ABCC8: variants seen among roughly 807,000 people sequenced by gnomAD.
ABCC8 encodes ATP-binding cassette sub-family C member 8.
Under a neutral mutation model 188.0 loss-of-function variants are expected in ABCC8, and 137 were observed. That is an observed-to-expected ratio of 0.73 (90% CI 0.63 to 0.84). ABCC8 has a LOEUF of 0.84. Among genes scored for constraint, ABCC8 ranks in the 40% least tolerant of loss-of-function variants. The pLI is 0.00. For synonymous variants in ABCC8, 797 were observed against 846.5 expected (o/e 0.94, Z 1.01); for missense variants, 1,750 against 2,072.7 (o/e 0.84, Z 3.02).
intron 7 of ABCC8, among the ~76,000 whole-genome samples, chr11:17,452,541 A>G (rs982067973): frequency 6.6e-6 from 1 of 152,190 alleles, no homozygotes; most frequent in African/African-American, 2.4e-5. Context: ...TCGCACTCCT[A>G]TGAGAGTCTA....
intron 20 of ABCC8, 42 bp downstream of exon 20, chr11:17,413,352 G>T: frequency 6.2e-7 from 1 of 1,613,396 alleles, no homozygotes; most frequent in Non-Finnish European, 8.5e-7. Flanking sequence ...GGTAGGTTGG[G>T]GGTCCTGGCT....
intron 10 of ABCC8, among the ~76,000 whole-genome samples, chr11:17,439,687 C>A (rs1392628616): frequency 2.0e-5 from 3 of 152,190 alleles, no homozygotes; most frequent in African/African-American, 7.2e-5. Flanking sequence ...ACTTTCAAAG[C>A]TCTCCCCAGG....
intron 3 of ABCC8, among the ~76,000 whole-genome samples, chr11:17,469,079 C>CTTCCT (rs1564989355): frequency 2.2e-5 from 3 of 134,306 alleles, no homozygotes; most frequent in African/African-American, 8.7e-5. Context: ...CCTTCCCTCC[C>CTTCCT]TCCCTCCTTC....
chr11:17,396,790 G>A, intron 33 of ABCC8, 126 bp downstream of exon 33: 1 of 1,238,336 alleles, frequency 8.1e-7, no homozygotes, highest in Non-Finnish European at 1.1e-6. Flanking sequence ...AGACTGCGAT[G>A]TCTGAATAGT....
intron 21 of ABCC8, among the ~76,000 whole-genome samples, chr11:17,412,270 C>T (rs528645864): frequency 3.3e-5 from 5 of 152,300 alleles, no homozygotes; most frequent in African/African-American, 1.2e-4. Context: ...AGTTAAGTTC[C>T]ATGGGAAATA....
At chr11:17,401,094 A>G (rs1294572000) in intron 29 of ABCC8, among the ~76,000 whole-genome samples, 1 of 152,212 alleles carries the variant, frequency 6.6e-6, no homozygotes, top group East Asian at 1.9e-4. Context: ...TGGGATCTGC[A>G]CACAAGGGGC....
chr11:17,423,155 G>A (rs1475209470), intron 16 of ABCC8, among the ~76,000 whole-genome samples: 1 of 151,700 alleles, frequency 6.6e-6, no homozygotes, highest in Non-Finnish European at 1.5e-5. Flanking sequence ...TCAGGAGTTC[G>A]AGATTACCCT....
chr11:17,423,245 T>C (rs1955430274), intron 16 of ABCC8, among the ~76,000 whole-genome samples: 1 of 147,370 alleles, frequency 6.8e-6, no homozygotes, highest in South Asian at 2.1e-4. Context: ...TAGTCCCAGC[T>C]ACTTGGGAGG....
intron 3 of ABCC8, among the ~76,000 whole-genome samples, chr11:17,468,625 C>T (rs2133705242): frequency 6.6e-6 from 1 of 152,304 alleles, no homozygotes; most frequent in African/African-American, 2.4e-5. Flanking sequence ...ATGGTACCTA[C>T]CTCATAGAGT....
chr11:17,450,714 A>ATTTTTTTTTTTTTTTGTTTTT, intron 7 of ABCC8, among the ~76,000 whole-genome samples: 1 of 63,296 alleles, frequency 1.6e-5, no homozygotes, highest in Non-Finnish European at 3.4e-5. Context: ...TTTGAGATGA[A>ATTTTTTTTTTTTTTTGTTTTT]GTCTCACTCT....
At chr11:17,451,029 G>A (rs563218192) in intron 7 of ABCC8, among the ~76,000 whole-genome samples, 8 of 152,176 alleles carry the variant, frequency 5.3e-5, no homozygotes, top group African/African-American at 1.4e-4. Flanking sequence ...TTTGCTTTTT[G>A]TGGCATAGTA....
intron 7 of ABCC8, among the ~76,000 whole-genome samples, chr11:17,449,022 G>A (rs545063963): frequency 9.1e-4 from 138 of 152,262 alleles, no homozygotes; most frequent in African/African-American, 3.2e-3. Flanking sequence ...CACCTTCCGG[G>A]TTCAAGCAAT....
intron 9 of ABCC8, 104 bp downstream of exon 9, chr11:17,443,074 T>C: frequency 1.3e-6 from 2 of 1,521,932 alleles, no homozygotes; most frequent in South Asian, 1.1e-5. Flanking sequence ...CTACTCAAAG[T>C]CAAAGTCAAA....
rs765043940 is a variant in ABCC8 at position 17,461,784 on chromosome 11, G to A, written c.621C>T (p.Pro207=). The A allele has an allele frequency of 3.4e-5, 55 of 1,614,008 alleles. No homozygotes were observed. The highest frequency in any genetic ancestry group is 9.9e-5 in the South Asian group (9 of 91,070). ...FFKTPREVKP[P]EDLQDLGVRF... ...GTACCCCCAGGTCTTGCAGGTCCTCGGGAGGCTTCACCTCCCTCGGTGTCT... is the reference window on the plus strand; with the variant it reads ...GTACCCCCAGGTCTTGCAGGTCCTCAGGAGGCTTCACCTCCCTCGGTGTCT... The change falls in exon 5 of 39, where the codon CCC becomes CCT. Residue 207 remains proline, a synonymous_variant. Coordinates refer to ENST00000389817, the MANE Select transcript of ABCC8 (RefSeq NM_000352.6).
At chr11:17,463,360 TG>T in intron 4 of ABCC8, 77 bp downstream of exon 4, 1 of 1,223,666 alleles carries the variant, frequency 8.2e-7, no homozygotes, top group Non-Finnish European at 1.2e-6. Context: ...AGAAGCAGGG[TG>T]GGGGCCTGAA....
chr11:17,474,647 T>C (rs529930143), intron 2 of ABCC8, among the ~76,000 whole-genome samples: 2 of 152,232 alleles, frequency 1.3e-5, no homozygotes, highest in South Asian at 2.1e-4. Flanking sequence ...ATTATTTCAC[T>C]GGGACTTGGC....
chr11:17,395,317 T>A, intron 35 of ABCC8, 42 bp from the exon 36 acceptor site: 1 of 1,553,714 alleles, frequency 6.4e-7, no homozygotes, highest in Non-Finnish European at 8.7e-7. Flanking sequence ...GGGAGCAGGG[T>A]CCTGCCTGCA....
chr11:17,395,621 GC>G lies in ABCC8; in HGVS notation c.4295del (p.Ser1432ThrfsTer28). 6.4e-7 allele frequency: 1 copy of G among 1,553,290 alleles called. No individual in the cohort carries two copies. Among genetic ancestry groups the G allele is most frequent in the East Asian group, 2.4e-5 (1 of 41,366 alleles). Reference protein sequence around the residue: ...SIILQDPVLFSGTIRFNLDPE... With the variant: ...SIILQDPVLFXGTIRFNLDPE... ...GTGGTGGGGCTCACCGGATGGTGCC[GC>G]TGAAGAGGACGGGGTCCTGCAGGAT... On this transcript the variant is annotated frameshift_variant, in exon 35 of 39. Coordinates refer to ENST00000389817, the MANE Select transcript of ABCC8 (RefSeq NM_000352.6). LOFTEE classifies it high-confidence loss of function.
rs901776100 is a variant in ABCC8, at chr11:17,463,311, G to A, written c.579+127C>T. 1.4e-5 allele frequency: 11 copies of A among 810,626 alleles called. No individual in the cohort carries two copies. The East Asian group carries it at 1.6e-4, about 12-fold the overall frequency. 50.2% of individuals were successfully genotyped at this position (810,626 alleles called of 1,614,324 possible). On this transcript the variant is annotated intron_variant, in intron 4 of 38. Transcript: ENST00000389817. ...GCCACGGCCCCACTCCCCTTTACAC[G>A]GGCGGGTAAAACAAGCTGATCCCTT...
Sources: allele counts gnomAD v4.1 joint callset (sites outside exome capture counted in the v4.1 genomes callset), GRCh38; gene constraint gnomAD v4.1.1; transcripts MANE v1.5; gene names NCBI Gene and HGNC (gene_info 2026-07-23, HGNC 2026-07-21).